The following DST variants were observed in gnomAD, a reference collection of about 807,000 sequenced individuals.
DST encodes dystonin, also known as bullous pemphigoid antigen.
A neutral mutation model predicts 875.2 loss-of-function variants in DST; 253 were observed. The observed-to-expected ratio is 0.29, with a 90% CI of 0.26 to 0.32. The LOEUF (loss-of-function observed/expected upper bound fraction) is 0.32, where lower values mean the gene tolerates loss of function less well. Ranked by LOEUF, DST falls within the 10% of genes least tolerant of loss-of-function variation. The pLI is 1.00. For synonymous variants in DST, 3,124 were observed against 3,197.1 expected, an observed-to-expected ratio of 0.98 and a Z score of 0.77; for missense variants, 8,287 against 9,111.6, an observed-to-expected ratio of 0.91 and a Z score of 3.68.
At chr6:56,588,582 G>A (rs962454756) in intron 49 of DST, among the ~76,000 whole-genome samples, 1 of 152,172 alleles carries the variant, frequency 6.6e-6, no homozygotes, top group African/African-American at 2.4e-5. Context: ...ATCAGTGCTT[G>A]ACACATAGCA....
intron 2 of DST, among the ~76,000 whole-genome samples, chr6:56,947,031 A>C (rs948632389): frequency 6.6e-6 from 1 of 152,140 alleles, no homozygotes; most frequent in African/African-American, 2.4e-5. Flanking sequence ...TGCAGTCAGA[A>C]TATAACCCAA....
chr6:56,892,174 T>A lies in DST; in HGVS notation c.417+8247A>T, dbSNP rs191567401. On this transcript the variant is annotated intron_variant, in intron 3 of 103. Coordinates refer to ENST00000680361, the MANE Select transcript of DST (RefSeq NM_001374736.1). ...AGAAAAGAAAGCTTAAACCAGTGGT[T>A]GTCTGAAATGTATGTTGGCCCCTAA... is the stretch of plus-strand genomic sequence containing the variant. Among the ~76,000 whole-genome samples, 252 of 152,326 alleles carry A rather than the reference T, an allele frequency of 1.7e-3. 1 individual carries two copies. The highest frequency in any genetic ancestry group is 5.8e-3 in the African/African-American group (241 of 41,578).
intron 5 of DST, among the ~76,000 whole-genome samples, chr6:56,726,534 T>C (rs552787622): frequency 6.6e-6 from 1 of 152,330 alleles, no homozygotes; most frequent in South Asian, 2.1e-4. Flanking sequence ...TAGCTATAAA[T>C]GGAGAAACTG....
At chr6:56,513,770 A>G (rs1324920729) in intron 72 of DST, among the ~76,000 whole-genome samples, 1 of 152,196 alleles carries the variant, frequency 6.6e-6, no homozygotes, top group Non-Finnish European at 1.5e-5. Flanking sequence ...GCCCAAAAGG[A>G]GATGCCTTTT....
chr6:56,482,239 T>C, intron 89 of DST, 61 bp from the exon 90 acceptor site: 1 of 1,557,806 alleles, frequency 6.4e-7, no homozygotes, highest in Admixed American at 1.8e-5. Context: ...GTTAGCACAA[T>C]TTACAAAACT....
chr6:56,643,233 T>C (rs939477629), intron 15 of DST, among the ~76,000 whole-genome samples: 5 of 152,190 alleles, frequency 3.3e-5, no homozygotes, highest in Non-Finnish European at 7.4e-5. Flanking sequence ...CCAATCATAG[T>C]CTGACTTCTG....
intron 3 of DST, among the ~76,000 whole-genome samples, chr6:56,883,807 G>C (rs1783338895): frequency 6.6e-6 from 1 of 151,640 alleles, no homozygotes; most frequent in South Asian, 2.1e-4. Flanking sequence ...CAATATGAGG[G>C]ATTTTATTTC....
intron 78 of DST, 97 bp downstream of exon 78, chr6:56,503,900 T>C: frequency 1.3e-6 from 1 of 774,364 alleles, no homozygotes; most frequent in Non-Finnish European, 2.1e-6. Context: ...TAAGCTGTCA[T>C]ACTTACATTA....
rs189216937 is a variant in DST, at chr6:56,524,402, T to C, written c.18129+1959A>G. 3.6e-4 allele frequency among the ~76,000 whole-genome samples: 55 copies of C among 152,298 alleles called. No homozygotes were observed. The Middle Eastern group carries it at 0.01, about 28-fold the overall frequency. On this transcript the variant is annotated intron_variant, in intron 69 of 103. Transcript: ENST00000680361. ...TTGTAATAATGGAACCTTCGGATTA[T>C]TGAAGAATTTTAGAAAAAAAATGGT...
chr6:56,493,303 T>G (rs2095809566), intron 83 of DST, among the ~76,000 whole-genome samples: 1 of 152,134 alleles, frequency 6.6e-6, no homozygotes, highest in African/African-American at 2.4e-5. Context: ...CATCTCACTG[T>G]AACTAAAAAA....
chr6:56,816,541 A>T (rs2099766716), intron 4 of DST, among the ~76,000 whole-genome samples: 1 of 152,150 alleles, frequency 6.6e-6, no homozygotes, highest in South Asian at 2.1e-4. Context: ...TTATAGGCCT[A>T]TGGTTCAACT....
chr6:56,461,551 CTTGA>C (rs938232679), intron 102 of DST: 2 of 152,198 alleles, frequency 1.3e-5, no homozygotes, highest in African/African-American at 4.8e-5. Context: ...CTCAGAATGC[CTTGA>C]TTGTTTTGAT....
At chr6:56,952,251 T>C (rs1822731189) in intron 2 of DST, among the ~76,000 whole-genome samples, 1 of 152,186 alleles carries the variant, frequency 6.6e-6, no homozygotes, top group African/African-American at 2.4e-5. Flanking sequence ...AAACAAGACA[T>C]AGTTGTATCT....
At chr6:56,482,603 C>G (rs536796300) in intron 89 of DST, 80 bp downstream of exon 89, 1 of 1,462,916 alleles carries the variant, frequency 6.8e-7, no homozygotes, top group Admixed American at 1.9e-5. Context: ...GAGGGCCTCA[C>G]AATTTTTTAC....
intron 68 of DST, 108 bp downstream of exon 68, chr6:56,527,385 A>G: frequency 7.2e-7 from 1 of 1,381,762 alleles, no homozygotes; most frequent in Non-Finnish European, 9.6e-7. Flanking sequence ...CCACCAAGGC[A>G]TCCTTCAGCA....
intron 3 of DST, among the ~76,000 whole-genome samples, chr6:56,898,885 G>A (rs961602559): frequency 6.6e-6 from 1 of 152,184 alleles, no homozygotes; most frequent in African/African-American, 2.4e-5. Context: ...TCAAAGCACA[G>A]AACATGCATT....
rs201492565 is a variant in DST at position 56,526,542 on chromosome 6, T to C, written c.17948A>G (p.Asn5983Ser). 1.2e-5 allele frequency: 20 copies of C among 1,613,520 alleles called. No homozygotes were observed. The highest frequency in any genetic ancestry group is 1.5e-5 in the Non-Finnish European group (18 of 1,179,704). Residue 5983 changes from asparagine to serine, a missense_variant, in exon 69 of 104, where the codon AAC (asparagine) becomes AGC (serine). By Grantham distance (46) the Asn-to-Ser change is conservative (BLOSUM62 1). Transcript: ENST00000680361. ...ATTAAGGGAGTCCAGTAAGGCTTTG[T>C]TGTTCTTAGCTTCCTTTTTCAGTTC... ...PKELKKEAKN[N>S]KALLDSLNEV...
intron 30 of DST, among the ~76,000 whole-genome samples, chr6:56,630,983 A>G (rs2098774400): frequency 6.6e-6 from 1 of 151,968 alleles, no homozygotes. Context: ...GGGTTCCACC[A>G]TGTTGGCCAA....
intron 85 of DST, among the ~76,000 whole-genome samples, chr6:56,491,432 T>G (rs923641571): frequency 6.6e-6 from 1 of 152,152 alleles, no homozygotes; most frequent in East Asian, 1.9e-4. Context: ...TTTAAAAATA[T>G]ATATATTTGT....
Sources: allele counts gnomAD v4.1 joint callset (sites outside exome capture counted in the v4.1 genomes callset), GRCh38; gene constraint gnomAD v4.1.1; transcripts MANE v1.5; gene names NCBI Gene and HGNC (gene_info 2026-07-23, HGNC 2026-07-21).